EPB41L3: variants seen among roughly 807,000 people sequenced by gnomAD.
The protein encoded by EPB41L3 is band 4.1-like protein 3.
Under a neutral mutation model 127.1 loss-of-function variants are expected in EPB41L3, and 57 were observed. The observed-to-expected ratio is 0.45, with a 90% CI of 0.36 to 0.56. The LOEUF (loss-of-function observed/expected upper bound fraction) is 0.56, where lower values mean the gene tolerates loss of function less well. EPB41L3 is among the 20% of genes least tolerant of loss of function. The probability of loss-of-function intolerance (pLI) is 0.00; values close to 1 mark genes in which losing one functional copy is unlikely to be tolerated. For synonymous variants in EPB41L3, 572 were observed against 549.5 expected, an observed-to-expected ratio of 1.04 and a Z score of -0.57; for missense variants, 1,273 against 1,372.2, an observed-to-expected ratio of 0.93 and a Z score of 1.14.
At chr18:5,518,264 C>T (rs1025989251) in intron 1 of EPB41L3, among the ~76,000 whole-genome samples, 6 of 152,134 alleles carry the variant, frequency 3.9e-5, no homozygotes, top group Non-Finnish European at 8.8e-5. Flanking sequence ...GCTCCAACCA[C>T]ACTGGCTTCC....
chr18:5,539,188 A>G (rs1280679103), intron 1 of EPB41L3, among the ~76,000 whole-genome samples: 1 of 152,106 alleles, frequency 6.6e-6, no homozygotes, highest in Non-Finnish European at 1.5e-5. Flanking sequence ...AGAAAAATAT[A>G]TACTCAAGGC....
At chr18:5,407,417 T>C in intron 15 of EPB41L3, 1 of 478,990 alleles carries the variant, frequency 2.1e-6, no homozygotes. Flanking sequence ...AGACATGCAC[T>C]GGTATATACC....
intron 3 of EPB41L3, among the ~76,000 whole-genome samples, chr18:5,557,377 T>C (rs1049797301): frequency 8.6e-5 from 12 of 139,064 alleles, no homozygotes; most frequent in Non-Finnish European, 1.9e-4. Context: ...AAAACACTTG[T>C]TTTTTTGTTT....
chr18:5,416,497 AT>A, intron 12 of EPB41L3, 119 bp from the exon 13 acceptor site: 2 of 1,039,096 alleles, frequency 1.9e-6, no homozygotes, highest in Non-Finnish European at 2.7e-6. Flanking sequence ...TAAAACAAAA[AT>A]TTTAGCACTA....
chr18:5,488,460 T>C (rs540275291), intron 2 of EPB41L3, among the ~76,000 whole-genome samples: 1 of 152,014 alleles, frequency 6.6e-6, no homozygotes, highest in African/African-American at 2.4e-5. Flanking sequence ...AAATACCTAA[T>C]GTAGATGATG....
chr18:5,398,829 G>C, intron 16 of EPB41L3: 1 of 399,350 alleles, frequency 2.5e-6, no homozygotes, highest in East Asian at 3.6e-5. Flanking sequence ...TTCCAGGCCA[G>C]GGAGGACGGC....
intron 13 of EPB41L3, among the ~76,000 whole-genome samples, chr18:5,413,228 A>C (rs377404565): frequency 2.6e-4 from 40 of 152,308 alleles, no homozygotes; most frequent in African/African-American, 9.6e-4. Context: ...ATTATCAAAA[A>C]ATTACTCAGA....
chr18:5,611,935 G>C (rs1299293949), intron 3 of EPB41L3, among the ~76,000 whole-genome samples: 1 of 151,874 alleles, frequency 6.6e-6, no homozygotes, highest in Admixed American at 6.6e-5. Context: ...CTCCTGCCTG[G>C]GTGACAAAGA....
intron 3 of EPB41L3, among the ~76,000 whole-genome samples, chr18:5,477,358 C>T (rs140305324): frequency 6.6e-6 from 1 of 152,254 alleles, no homozygotes; most frequent in Non-Finnish European, 1.5e-5. Flanking sequence ...ACTCTGAAAG[C>T]ACAGTGGAAT....
At chr18:5,423,015 T>G (rs2077672489) in intron 11 of EPB41L3, among the ~76,000 whole-genome samples, 1 of 152,180 alleles carries the variant, frequency 6.6e-6, no homozygotes, top group Non-Finnish European at 1.5e-5. Context: ...CAAATGGTCT[T>G]AAACCTACCA....
chr18:5,399,676 G>C (rs1304025279), intron 16 of EPB41L3: 1 of 253,386 alleles, frequency 3.9e-6, no homozygotes, highest in Non-Finnish European at 7.4e-6. Flanking sequence ...GATAAATTTT[G>C]GATCATTTTA....
At chr18:5,539,117 A>G (rs1410605725) in intron 1 of EPB41L3, among the ~76,000 whole-genome samples, 1 of 151,832 alleles carries the variant, frequency 6.6e-6, no homozygotes, top group Non-Finnish European at 1.5e-5. Flanking sequence ...TGGTTTGGGA[A>G]AGAAACCTGA....
At chr18:5,441,007 G>T (rs1361994478) in intron 5 of EPB41L3, among the ~76,000 whole-genome samples, 1 of 152,076 alleles carries the variant, frequency 6.6e-6, no homozygotes, top group African/African-American at 2.4e-5. Context: ...CTCCCTAGTA[G>T]CCAGGACTAA....
intron 16 of EPB41L3, among the ~76,000 whole-genome samples, chr18:5,401,478 T>C (rs903156768): frequency 2.6e-5 from 4 of 152,174 alleles, no homozygotes; most frequent in Non-Finnish European, 5.9e-5. Flanking sequence ...TATCTTATTG[T>C]ATTCCCCATT....
chr18:5,519,622 T>A (rs1717879126), intron 1 of EPB41L3, among the ~76,000 whole-genome samples: 1 of 152,162 alleles, frequency 6.6e-6, no homozygotes, highest in South Asian at 2.1e-4. Flanking sequence ...CAGAGCTACA[T>A]GTGGAGGGAT....
chr18:5,457,778 C>T (rs73937137), intron 3 of EPB41L3, among the ~76,000 whole-genome samples: 8,172 of 152,162 alleles, frequency 0.054, 707 homozygotes, highest in African/African-American at 0.18. Flanking sequence ...CACACCTCCA[C>T]GCCCCGAAGC....
intron 10 of EPB41L3, among the ~76,000 whole-genome samples, 191 bp downstream of exon 10, chr18:5,424,071 T>C (rs2145278787): frequency 6.6e-6 from 1 of 152,314 alleles, no homozygotes; most frequent in East Asian, 1.9e-4. Context: ...TGTAAGTACA[T>C]GACAAATTAG....
At position 5,415,996 on chromosome 18, in the gene EPB41L3, G is replaced by C. The variant is rs548784436; in HGVS notation, c.1889C>G (p.Pro630Arg). 3 of 1,614,132 alleles carry C rather than the reference G, an allele frequency of 1.9e-6. No homozygotes were observed. Among genetic ancestry groups the C allele is most frequent in the Non-Finnish European group, 2.5e-6 (3 of 1,180,024 alleles). Residue 630 changes from proline (P) to arginine (R), a missense_variant, in exon 13 of 23, where the codon CCG becomes CGG. Physicochemically the swap from Pro to Arg is moderately radical, Grantham distance 103. Around this residue, in one of 3 missense-constraint regions of EPB41L3, gnomAD observed 765 missense variants for 782.9 expected, o/e 0.98. Transcript: ENST00000341928. ...GAAGAGGAAACAGGGCACAAGGGACGGTGAGCGGATCGGGAGGTAATGCTG... is the reference window on the plus strand; with the variant it reads ...GAAGAGGAAACAGGGCACAAGGGACCGTGAGCGGATCGGGAGGTAATGCTG... ...SLQHYLPIRS[P>R]SLVPCFLFIF... is the part of the protein sequence containing the mutation.
chr18:5,461,450 G>A (rs954476901), intron 3 of EPB41L3, among the ~76,000 whole-genome samples: 1 of 152,172 alleles, frequency 6.6e-6, no homozygotes, highest in Admixed American at 6.5e-5. Flanking sequence ...ATTAGAAAAG[G>A]ACTCCAAATG....
Sources: gnomAD v4.1 joint callset for allele counts (sites outside exome capture counted in the v4.1 genomes callset) on GRCh38, gnomAD v4.1.1 for gene constraint, gnomAD v4.1.1 regional missense constraint, MANE v1.5 for transcripts, NCBI Gene and HGNC (gene_info 2026-07-23, HGNC 2026-07-21) for gene names.